Variants in CSE1L observed in about 807,000 individuals in gnomAD.
The protein encoded by CSE1L is chromosome segregation 1 like.
Under a neutral mutation model 120.4 loss-of-function variants are expected in CSE1L, and 24 were observed. The observed-to-expected ratio is 0.20, with a 90% CI of 0.14 to 0.28. The LOEUF (loss-of-function observed/expected upper bound fraction) is 0.28. Ranked by LOEUF, CSE1L falls within the 10% of genes least tolerant of loss-of-function variation. CSE1L has a pLI of 1.00. For synonymous variants in CSE1L, 402 were observed against 398.3 expected (o/e 1.01, Z -0.11); for missense variants, 830 against 1,145.2 (o/e 0.72, Z 3.97).
intron 5 of CSE1L, 29 bp downstream of exon 5, chr20:49,066,539 AAT>A (rs1568770064): frequency 1.9e-6 from 3 of 1,568,812 alleles, no homozygotes; most frequent in Non-Finnish European, 2.6e-6. Flanking sequence ...ATGTTTTTAA[AAT>A]ACTTTCTAAA....
rs371810198 is a variant in CSE1L, at chr20:49,075,490, A to G, written c.1305A>G (p.Thr435=). The part of the protein sequence containing the change: ...KHKDAAIYLV[T]SLASKAQTQK... Reference sequence around the variant, plus strand: ...AAGATGCAGCCATCTACCTAGTGACATCTTTGGCATCAAAAGCCCAAACAC... The same window carrying G: ...AAGATGCAGCCATCTACCTAGTGACGTCTTTGGCATCAAAAGCCCAAACAC... Residue 435 remains threonine, a synonymous_variant, in exon 12 of 25, where the codon ACA becomes ACG. Transcript: ENST00000262982. 82 of 1,614,058 alleles carry G rather than the reference A, an allele frequency of 5.1e-5. No homozygotes were observed. Among genetic ancestry groups the G allele is most frequent in the Non-Finnish European group, 6.9e-5 (81 of 1,180,034 alleles).
chr20:49,083,962 A>C (rs1161606718), intron 14 of CSE1L, 64 bp from the exon 15 acceptor site: 1 of 1,497,680 alleles, frequency 6.7e-7, no homozygotes, highest in African/African-American at 1.4e-5. Flanking sequence ...CTTCTCTTCC[A>C]ATTGTCTTTT....
intron 1 of CSE1L, among the ~76,000 whole-genome samples, chr20:49,053,031 C>G (rs2091779643): frequency 1.3e-5 from 2 of 151,872 alleles, no homozygotes; most frequent in Admixed American, 6.6e-5. Context: ...GAAAATAAGC[C>G]CTGTGTGGTG....
intron 6 of CSE1L, 146 bp downstream of exon 6, chr20:49,067,426 A>G: frequency 1.9e-6 from 1 of 528,010 alleles, no homozygotes; most frequent in Non-Finnish European, 3.3e-6. Context: ...CCTACACAGA[A>G]ATAGAGATGC....
intron 19 of CSE1L, among the ~76,000 whole-genome samples, chr20:49,090,019 G>T (rs970720089): frequency 6.6e-6 from 1 of 151,980 alleles, no homozygotes; most frequent in Non-Finnish European, 1.5e-5. Context: ...CATCTACTTG[G>T]GAGGCTAAGG....
At chr20:49,072,522 T>C in intron 9 of CSE1L, 46 bp from the exon 10 acceptor site, 1 of 1,604,162 alleles carries the variant, frequency 6.2e-7, no homozygotes, top group Non-Finnish European at 8.5e-7. Flanking sequence ...AATAAGCTGT[T>C]GAGTTTTGCT....
intron 1 of CSE1L, among the ~76,000 whole-genome samples, chr20:49,050,378 C>T (rs1375144379): frequency 1.4e-5 from 2 of 146,264 alleles, no homozygotes; most frequent in African/African-American, 2.5e-5. Flanking sequence ...ATCACCAAGC[C>T]CAGCTAATTT....
chr20:49,086,491 G>A (rs530966094), intron 16 of CSE1L, among the ~76,000 whole-genome samples: 1 of 147,104 alleles, frequency 6.8e-6, no homozygotes. Flanking sequence ...TCAGCCTCCC[G>A]AGTAGCTAGG....
intron 1 of CSE1L, among the ~76,000 whole-genome samples, chr20:49,054,736 T>A (rs140544306): frequency 6.6e-5 from 10 of 152,340 alleles, no homozygotes; most frequent in Non-Finnish European, 1.3e-4. Flanking sequence ...TTTACCCACT[T>A]AAGAAAACCT....
At chr20:49,052,263 G>A (rs1473112540) in intron 1 of CSE1L, among the ~76,000 whole-genome samples, 1 of 152,212 alleles carries the variant, frequency 6.6e-6, no homozygotes, top group Non-Finnish European at 1.5e-5. Context: ...TAATGCTGAA[G>A]GTCCTGAGCA....
At chr20:49,085,562 A>ATTT (rs11471947) in intron 16 of CSE1L, among the ~76,000 whole-genome samples, 176 bp downstream of exon 16, 3,347 of 79,888 alleles carry the variant, frequency 0.042, 736 homozygotes, top group South Asian at 0.076. Flanking sequence ...ACTAACAATA[A>ATTT]TTTTTTTTTT....
At chr20:49,088,908 T>C (rs1180612415) in intron 17 of CSE1L, among the ~76,000 whole-genome samples, 1 of 152,144 alleles carries the variant, frequency 6.6e-6, no homozygotes, top group Non-Finnish European at 1.5e-5. Context: ...TGGGGGATTA[T>C]CAGTAAGTAG....
At chr20:49,060,222 G>A (rs1032379301) in intron 2 of CSE1L, among the ~76,000 whole-genome samples, 6 of 150,300 alleles carry the variant, frequency 4.0e-5, no homozygotes, top group African/African-American at 9.8e-5. Flanking sequence ...ATTTGCTCAC[G>A]CCTGTAATCC....
At chr20:49,087,649 A>G (rs1166303162) in intron 16 of CSE1L, among the ~76,000 whole-genome samples, 11 of 151,996 alleles carry the variant, frequency 7.2e-5, no homozygotes, top group Non-Finnish European at 1.6e-4. Context: ...GCCACCAAGC[A>G]TGGCCTCTGC....
Position 49,096,301 on chromosome 20 carries a change from G to A in CSE1L, c.2827-48G>A, listed in dbSNP as rs574800679. Reference sequence around the variant, plus strand: ...CCCGTAGAAGATGGGGTTTGTATTGGCGCACCAAGATCTCCAACAGCCAGT... The same window carrying A: ...CCCGTAGAAGATGGGGTTTGTATTGACGCACCAAGATCTCCAACAGCCAGT... On this transcript the variant is annotated intron_variant, in intron 24 of 24. Transcript: ENST00000262982. 4.9e-6 allele frequency: 7 copies of A among 1,435,472 alleles called. No individual in the cohort carries two copies. In the Admixed American group the frequency reaches 6.7e-5, roughly 14 times the overall value. The allele number at this position is 1,435,472 out of a possible 1,614,324, so 88.9% of individuals were successfully genotyped here. A position where few individuals can be genotyped will look rare whatever the true frequency, so the allele number is the denominator to read the frequency against.
chr20:49,058,526 T>C lies in CSE1L; in HGVS notation c.63T>C (p.Pro21=). The C allele has an allele frequency of 6.2e-7, 1 of 1,613,656 alleles. No individual in the cohort carries two copies. ...LTEYLKKTLD[P]DPAIRRPAEK... ...AATATTTAAAGAAAACACTTGATCC[T>C]GATCCTGCCATCCGACGTCCAGGTA... is the stretch of plus-strand genomic sequence containing the variant. The change falls in exon 2 of 25, where the codon CCT becomes CCC. Residue 21 remains proline, a synonymous_variant. Coordinates refer to ENST00000262982, the MANE Select transcript of CSE1L (RefSeq NM_001316.4).
chr20:49,088,583 T>G (rs2092077781), intron 17 of CSE1L, among the ~76,000 whole-genome samples: 2 of 152,202 alleles, frequency 1.3e-5, no homozygotes, highest in Admixed American at 1.3e-4. Flanking sequence ...AGAAAATAAA[T>G]CCGTTTAAGG....
intron 1 of CSE1L, among the ~76,000 whole-genome samples, chr20:49,048,680 A>G (rs2091741367): frequency 6.6e-6 from 1 of 152,334 alleles, no homozygotes; most frequent in East Asian, 1.9e-4. Flanking sequence ...TGTTACATGA[A>G]GAAGGGAGAA....
Position 49,053,776 on chromosome 20 carries a change from A to G in CSE1L, c.-11-4677A>G, listed in dbSNP as rs561865686. Among the ~76,000 whole-genome samples, 3 of 152,246 alleles carry G rather than the reference A, an allele frequency of 2.0e-5. No homozygotes were observed. In the East Asian group the frequency reaches 5.8e-4, roughly 29 times the overall value. On this transcript the variant is annotated intron_variant, in intron 1 of 24. Transcript: ENST00000262982. ...TGAAAAGGAGTTCTATAGCCAAATA[A>G]TGGGAGAGACTGGGCAATCCTCCCA...
Sources: gnomAD v4.1 joint callset for allele counts (sites outside exome capture counted in the v4.1 genomes callset) on GRCh38, gnomAD v4.1.1 for gene constraint, MANE v1.5 for transcripts, NCBI Gene and HGNC (gene_info 2026-07-23, HGNC 2026-07-21) for gene names.